GABRG1: variants seen among roughly 807,000 people sequenced by gnomAD.
The protein encoded by GABRG1 is gamma-aminobutyric acid type A receptor subunit gamma1, also known as gamma-aminobutyric acid receptor subunit gamma-1.
In GABRG1, 49 loss-of-function variants were observed where a neutral mutation model predicts 49.8. The ratio of observed to expected loss-of-function variants is 0.98; its 90% CI spans 0.78 to 1.25. The LOEUF is 1.25. Among genes scored for constraint, GABRG1 ranks in the 50% most tolerant of loss-of-function variants. The pLI is 0.00. For synonymous variants in GABRG1, 232 were observed against 185.1 expected (o/e 1.25, Z -2.06); for missense variants, 552 against 552.3 (o/e 1.00, Z 0.01).
chr4:46,117,792 A>C (rs1445590116), intron 1 of GABRG1, among the ~76,000 whole-genome samples: 1 of 139,284 alleles, frequency 7.2e-6, no homozygotes, highest in Non-Finnish European at 1.6e-5. Context: ...ATGTATATAC[A>C]TATATACATA....
At chr4:46,123,101 AACACACACACACAC>A (rs34086673) in intron 1 of GABRG1, among the ~76,000 whole-genome samples, 61 of 129,574 alleles carry the variant, frequency 4.7e-4, no homozygotes, top group African/African-American at 7.5e-4. Context: ...CATACACACA[AACACACACACACAC>A]ACACACACAC....
rs1445907001 is a variant in GABRG1, at chr4:46,036,178, A to G, written c.*4810T>C. On this transcript the variant is annotated 3_prime_UTR_variant, in exon 9 of 9. Coordinates refer to ENST00000295452, the MANE Select transcript of GABRG1 (RefSeq NM_173536.4). ...AATAACAATTCTTTTATTTATTCTG[A>G]CATAAATATTTCAGAAATTGTTTGA... 2.0e-5 allele frequency: 3 copies of G among 151,868 alleles called. No homozygotes were observed. The highest frequency in any genetic ancestry group is 2.1e-4 in the South Asian group (1 of 4,832). The allele number at this position is 151,868 out of a possible 1,614,324, so 9.4% of individuals were successfully genotyped here.
chr4:46,061,042 C>A (rs1001052837), intron 5 of GABRG1, among the ~76,000 whole-genome samples: 1 of 152,048 alleles, frequency 6.6e-6, no homozygotes, highest in African/African-American at 2.4e-5. Flanking sequence ...GCTATTGACA[C>A]CCAATTAAAC....
At chr4:46,056,413 G>A (rs1300329381) in intron 7 of GABRG1, among the ~76,000 whole-genome samples, 2 of 151,900 alleles carry the variant, frequency 1.3e-5, no homozygotes, top group African/African-American at 4.8e-5. Context: ...ATATCCACCA[G>A]GTTAGCACCA....
intron 1 of GABRG1, among the ~76,000 whole-genome samples, 169 bp downstream of exon 1, chr4:46,123,641 T>A (rs1577676949): frequency 6.6e-6 from 1 of 152,144 alleles, no homozygotes; most frequent in East Asian, 1.9e-4. Context: ...ACTTTCCTTC[T>A]ATCTGAGAAT....
chr4:46,061,413 A>G (rs1438134030), intron 5 of GABRG1, among the ~76,000 whole-genome samples: 1 of 152,100 alleles, frequency 6.6e-6, no homozygotes, highest in Non-Finnish European at 1.5e-5. Context: ...ATAAAATGTC[A>G]TATTACACTC....
intron 1 of GABRG1, among the ~76,000 whole-genome samples, chr4:46,112,084 C>A (rs139994473): frequency 6.9e-4 from 104 of 151,458 alleles, no homozygotes; most frequent in African/African-American, 2.5e-3. Flanking sequence ...TATTTGCAAA[C>A]TGTGCATCTG....
chr4:46,053,727 A>T lies in GABRG1; in HGVS notation c.917-2089T>A, dbSNP rs911861184. Among the ~76,000 whole-genome samples the T allele has an allele frequency of 2.6e-5, 4 of 152,008 alleles. No individual in the cohort carries two copies. In the East Asian group the frequency reaches 7.7e-4, roughly 29 times the overall value. On this transcript the variant is annotated intron_variant, in intron 7 of 8. Transcript: ENST00000295452. ...CCACTACTGCAATAAATTTTACTTT[A>T]TTAAGTTTCTGTTACTTTCTTTTTT... is the stretch of plus-strand genomic sequence containing the variant.
intron 1 of GABRG1, among the ~76,000 whole-genome samples, chr4:46,112,656 C>T (rs1286299102): frequency 1.3e-5 from 2 of 150,846 alleles, no homozygotes; most frequent in Non-Finnish European, 1.5e-5. Flanking sequence ...ATAAAAAAGC[C>T]ATTAAAAAAC....
intron 3 of GABRG1, among the ~76,000 whole-genome samples, chr4:46,082,680 T>C (rs919765275): frequency 7.2e-5 from 11 of 151,820 alleles, no homozygotes; most frequent in Non-Finnish European, 1.3e-4. Context: ...TTTTATTGTA[T>C]TCTCATGTGC....
At chr4:46,058,753 T>A (rs1219867967) in intron 5 of GABRG1, 131 bp from the exon 6 acceptor site, 1 of 655,038 alleles carries the variant, frequency 1.5e-6, no homozygotes, top group Non-Finnish European at 2.6e-6. Context: ...CATAGAATAT[T>A]TGAATACAAT....
At chr4:46,059,558 C>A (rs911251515) in intron 5 of GABRG1, among the ~76,000 whole-genome samples, 39 of 151,798 alleles carry the variant, frequency 2.6e-4, no homozygotes, top group African/African-American at 8.0e-4. Flanking sequence ...GAATGGCTAC[C>A]CTTTTTTTTT....
intron 2 of GABRG1, among the ~76,000 whole-genome samples, chr4:46,085,483 G>T (rs767568632): frequency 6.6e-6 from 1 of 151,506 alleles, no homozygotes; most frequent in Non-Finnish European, 1.5e-5. Flanking sequence ...GTTAACAATT[G>T]TTAAATATGT....
At chr4:46,053,572 C>T (rs202178981) in intron 7 of GABRG1, among the ~76,000 whole-genome samples, 68 of 151,874 alleles carry the variant, frequency 4.5e-4, no homozygotes, top group East Asian at 5.8e-4. Context: ...GCCTCATCTC[C>T]CACACAAGCT....
chr4:46,065,273 TGCAAC>T, intron 4 of GABRG1, 86 bp downstream of exon 4: 4 of 913,112 alleles, frequency 4.4e-6, no homozygotes, highest in Middle Eastern at 3.5e-4. Context: ...TTTTTGGTTT[TGCAAC>T]TTTGAGAAAT....
intron 3 of GABRG1, among the ~76,000 whole-genome samples, chr4:46,076,123 G>A (rs1389605233): frequency 6.6e-6 from 1 of 151,624 alleles, no homozygotes; most frequent in Non-Finnish European, 1.5e-5. Context: ...ATCTACAGAT[G>A]AGAAAAATTG....
intron 5 of GABRG1, among the ~76,000 whole-genome samples, chr4:46,063,574 A>T (rs1006725776): frequency 5.9e-5 from 9 of 152,082 alleles, no homozygotes; most frequent in African/African-American, 2.2e-4. Context: ...AACCATAAAA[A>T]CCCTAGAAGA....
chr4:46,108,585 G>A (rs1284629571), intron 1 of GABRG1, among the ~76,000 whole-genome samples: 1 of 150,736 alleles, frequency 6.6e-6, no homozygotes, highest in Non-Finnish European at 1.5e-5. Flanking sequence ...CGAGTGTGGA[G>A]TCCTTTACCA....
chr4:46,090,622 T>A (rs1409270131), intron 2 of GABRG1, among the ~76,000 whole-genome samples: 1 of 152,032 alleles, frequency 6.6e-6, no homozygotes, highest in Non-Finnish European at 1.5e-5. Flanking sequence ...GTGGTTTAAT[T>A]GATATCAAAA....
Sources: allele counts gnomAD v4.1 joint callset (sites outside exome capture counted in the v4.1 genomes callset), GRCh38; gene constraint gnomAD v4.1.1; transcripts MANE v1.5; gene names NCBI Gene and HGNC (gene_info 2026-07-23, HGNC 2026-07-21).